Variants in SYNPR observed in about 807,000 individuals in gnomAD.
SYNPR encodes synaptoporin.
A neutral mutation model predicts 32.9 loss-of-function variants in SYNPR; 23 were observed. The observed-to-expected ratio is 0.70, with a 90% CI of 0.50 to 0.99. SYNPR has a LOEUF of 0.99. Ranked by LOEUF, SYNPR falls within the 50% of genes least tolerant of loss-of-function variation. The probability of loss-of-function intolerance (pLI) is 0.00; values close to 1 mark genes in which losing one functional copy is unlikely to be tolerated. For synonymous variants in SYNPR, 146 were observed against 135.9 expected (o/e 1.07, Z -0.52); for missense variants, 318 against 349.3 (o/e 0.91, Z 0.71).
chr3:63,245,710 AGTGTGTGTGT>A (rs1159947180), intron 1 of SYNPR, among the ~76,000 whole-genome samples: 8 of 44,254 alleles, frequency 1.8e-4, no homozygotes, highest in African/African-American at 7.7e-4. Flanking sequence ...AGAGAGAGAG[AGTGTGTGTGT>A]GTGTGTGTGT....
intron 4 of SYNPR, among the ~76,000 whole-genome samples, chr3:63,595,745 A>C (rs1408848617): frequency 9.5e-5 from 4 of 41,936 alleles, no homozygotes; most frequent in South Asian, 7.1e-4. Context: ...ATATATATAT[A>C]TATATATATA....
intron 2 of SYNPR, among the ~76,000 whole-genome samples, chr3:63,317,531 G>A (rs1040696407): frequency 2.0e-5 from 3 of 151,714 alleles, no homozygotes; most frequent in Non-Finnish European, 4.4e-5. Context: ...AATTTGTTTT[G>A]TCTGAAAAAA....
chr3:63,222,779 A>C, the SYNPR span, among the ~76,000 whole-genome samples: 1 of 152,168 alleles, frequency 6.6e-6, no homozygotes, highest in Non-Finnish European at 1.5e-5. Flanking sequence ...GGCCTCTCAA[A>C]GTACTGGGAT....
chr3:63,291,019 A>G (rs1684818124), intron 2 of SYNPR, among the ~76,000 whole-genome samples: 4 of 152,208 alleles, frequency 2.6e-5, no homozygotes, highest in Admixed American at 2.6e-4. Flanking sequence ...CAAACCCATG[A>G]TCTGAGTGAA....
At chr3:63,385,384 A>G (rs1254403523) in intron 2 of SYNPR, among the ~76,000 whole-genome samples, 1 of 152,190 alleles carries the variant, frequency 6.6e-6, no homozygotes, top group Non-Finnish European at 1.5e-5. Context: ...TTAAAAAATA[A>G]TTGATAAGGG....
chr3:63,497,307 A>T (rs1016580403), intron 3 of SYNPR, among the ~76,000 whole-genome samples: 1 of 152,190 alleles, frequency 6.6e-6, no homozygotes, highest in Non-Finnish European at 1.5e-5. Context: ...AGTTTGTTTC[A>T]TAGTACTTAC....
upstream of SYNPR, among the ~76,000 whole-genome samples, chr3:63,275,421 T>C (rs2086564987): frequency 6.6e-6 from 1 of 152,232 alleles, no homozygotes; most frequent in Non-Finnish European, 1.5e-5. Flanking sequence ...AATTGTTGTC[T>C]AAGCTATTAC....
At chr3:63,485,416 C>T (rs1348014175) in intron 3 of SYNPR, among the ~76,000 whole-genome samples, 2 of 152,112 alleles carry the variant, frequency 1.3e-5, no homozygotes, top group Non-Finnish European at 2.9e-5. Context: ...TGCTACCATT[C>T]AGCAGCATTG....
At chr3:63,327,509 A>C (rs2106977628) in intron 2 of SYNPR, among the ~76,000 whole-genome samples, 1 of 152,282 alleles carries the variant, frequency 6.6e-6, no homozygotes, top group Non-Finnish European at 1.5e-5. Flanking sequence ...GACACAAATA[A>C]GTGTGTTCAT....
At position 63,615,635 on chromosome 3, in the gene SYNPR, T is replaced by A; in HGVS notation, c.*154T>A. On this transcript the variant is annotated 3_prime_UTR_variant, in exon 6 of 6. Coordinates refer to ENST00000478300, the MANE Select transcript of SYNPR (RefSeq NM_001130003.2). ...TTCATTAAGGCAGCAAGTCCTGGGT[T>A]GTGAAAAATGATACTTAGAGATGAG... 1.9e-6 allele frequency: 2 copies of A among 1,027,634 alleles called. No homozygotes were observed. Among genetic ancestry groups the A allele is most frequent in the Non-Finnish European group, 2.7e-6 (2 of 727,766 alleles). 63.7% of individuals were successfully genotyped at this position (1,027,634 alleles called of 1,614,324 possible).
rs537066737 is a variant in SYNPR, at chr3:63,612,751, T to C, written c.601-2473T>C. On this transcript the variant is annotated intron_variant, in intron 5 of 5. Coordinates refer to ENST00000478300, the MANE Select transcript of SYNPR (RefSeq NM_001130003.2). ...AAGTAGCATTTCCTTGATGTCTAAG[T>C]TTTTCTTTTTTAAAATCCAAATAGT... Among the ~76,000 whole-genome samples, 14 of 152,258 alleles carry C rather than the reference T, an allele frequency of 9.2e-5. No individual in the cohort carries two copies. In the East Asian group the frequency reaches 2.7e-3, roughly 29 times the overall value.
intron 2 of SYNPR, among the ~76,000 whole-genome samples, chr3:63,310,161 A>T (rs10866065): frequency 0.45 from 67,781 of 151,542 alleles, 15,356 homozygotes; most frequent in Middle Eastern, 0.52. Flanking sequence ...TCTTTTTTCC[A>T]TTGGTATAGT....
intron 2 of SYNPR, among the ~76,000 whole-genome samples, chr3:63,343,361 CATATTATGAAGAT>C (rs1257183181): frequency 1.9e-4 from 29 of 152,270 alleles, no homozygotes; most frequent in Non-Finnish European, 3.1e-4. Flanking sequence ...AGCCGAGGAA[CATATTATGAAGAT>C]AACATTATGA....
At chr3:63,392,744 A>G (rs1456311481) in intron 2 of SYNPR, among the ~76,000 whole-genome samples, 1 of 152,198 alleles carries the variant, frequency 6.6e-6, no homozygotes, top group Non-Finnish European at 1.5e-5. Flanking sequence ...GGATAATGCT[A>G]TAACTCAGTA....
intron 4 of SYNPR, among the ~76,000 whole-genome samples, chr3:63,587,263 C>T (rs1462875365): frequency 6.6e-6 from 1 of 152,086 alleles, no homozygotes; most frequent in Non-Finnish European, 1.5e-5. Flanking sequence ...CTAAAATATT[C>T]CAGTCTCCAT....
At chr3:63,272,541 A>G (rs1446119212) in intron 3 of SYNPR, among the ~76,000 whole-genome samples, 1 of 151,022 alleles carries the variant, frequency 6.6e-6, no homozygotes, top group Admixed American at 6.6e-5. Flanking sequence ...TAAACATAGA[A>G]ATTGTCCCTT....
At chr3:63,393,445 C>CCGTT (rs1449551412) in intron 2 of SYNPR, among the ~76,000 whole-genome samples, 2 of 149,280 alleles carry the variant, frequency 1.3e-5, no homozygotes, top group African/African-American at 2.5e-5. Flanking sequence ...TTCTTGTTTT[C>CCGTT]CCTTCCTTCC....
intron 4 of SYNPR, among the ~76,000 whole-genome samples, chr3:63,566,208 C>T (rs1702786692): frequency 6.6e-6 from 1 of 152,086 alleles, no homozygotes. Context: ...ACTAGTTTAA[C>T]TTTTACGGCT....
intron 4 of SYNPR, among the ~76,000 whole-genome samples, chr3:63,607,826 A>T (rs2106901827): frequency 6.6e-6 from 1 of 152,286 alleles, no homozygotes; most frequent in Non-Finnish European, 1.5e-5. Context: ...TATAGAGTGT[A>T]AAAGTTCCCT....
Sources: allele counts gnomAD v4.1 joint callset (sites outside exome capture counted in the v4.1 genomes callset), GRCh38; gene constraint gnomAD v4.1.1; transcripts MANE v1.5; gene names NCBI Gene and HGNC (gene_info 2026-07-23, HGNC 2026-07-21).